The following MTARC2 variants were observed in gnomAD, a reference collection of about 807,000 sequenced individuals.
The protein encoded by MTARC2 is MOCO sulphurase C-terminal domain containing 2.
Under a neutral mutation model 35.6 loss-of-function variants are expected in MTARC2, and 27 were observed. That is an observed-to-expected ratio of 0.76 (90% confidence interval 0.56 to 1.04). The LOEUF (loss-of-function observed/expected upper bound fraction) is 1.04. MTARC2 is among the 50% of genes least tolerant of loss of function. The pLI, the probability that MTARC2 is intolerant of heterozygous loss-of-function variation, is 0.00. For missense variants in MTARC2, 412 were observed against 432.5 expected, an observed-to-expected ratio of 0.95 and a Z score of 0.42; for synonymous variants, 158 against 167.1, an observed-to-expected ratio of 0.95 and a Z score of 0.42.
intron 6 of MTARC2, 57 bp downstream of exon 6, chr1:220,780,296 T>C: frequency 6.7e-7 from 1 of 1,485,878 alleles, no homozygotes; most frequent in Non-Finnish European, 9.2e-7. Flanking sequence ...CAGAACTACC[T>C]ATGGGTTTAG....
At chr1:220,761,419 C>A (rs1376716791) in intron 2 of MTARC2, among the ~76,000 whole-genome samples, 2 of 152,232 alleles carry the variant, frequency 1.3e-5, no homozygotes, top group African/African-American at 4.8e-5. Flanking sequence ...CCTACTGAAC[C>A]AGAATCTGCA....
chr1:220,772,277 C>G (rs1671765066), intron 4 of MTARC2, among the ~76,000 whole-genome samples: 1 of 152,324 alleles, frequency 6.6e-6, no homozygotes, highest in South Asian at 2.1e-4. Flanking sequence ...TTTAAAGGCT[C>G]TCTGTATATA....
chr1:220,761,693 G>C lies in MTARC2; in HGVS notation c.482G>C (p.Gly161Ala). The C allele has an allele frequency of 6.2e-7, 1 of 1,613,982 alleles. No homozygotes were observed. Among genetic ancestry groups the C allele is most frequent in the Non-Finnish European group, 8.5e-7 (1 of 1,179,968 alleles). The change falls in exon 3 of 8, where the codon GGC (glycine) becomes GCC (alanine). Residue 161 changes from glycine to alanine, a missense_variant. Coordinates refer to ENST00000366913, the MANE Select transcript of MTARC2 (RefSeq NM_017898.5). ...CTTGACATTAAAGGCAGAGACTGTG[G>C]CAATGAGGCAGCTAAGTGGTTCACC... is the stretch of plus-strand genomic sequence containing the variant. ...FGLDIKGRDC[G>A]NEAAKWFTNF...
At chr1:220,759,540 G>A (rs1671382367) in intron 2 of MTARC2, among the ~76,000 whole-genome samples, 1 of 152,122 alleles carries the variant, frequency 6.6e-6, no homozygotes, top group African/African-American at 2.4e-5. Context: ...CCTGTTGGGG[G>A]CTTTTCTGCT....
At chr1:220,752,947 G>A (rs1671165157) in intron 1 of MTARC2, among the ~76,000 whole-genome samples, 1 of 151,632 alleles carries the variant, frequency 6.6e-6, no homozygotes, top group South Asian at 2.1e-4. Flanking sequence ...GGGCACGGTG[G>A]CTCACGCCTG....
intron 7 of MTARC2, among the ~76,000 whole-genome samples, chr1:220,782,960 T>C (rs778232883): frequency 6.6e-6 from 1 of 152,262 alleles, no homozygotes; most frequent in Non-Finnish European, 1.5e-5. Context: ...ATATCAGTTA[T>C]GTTTTTTATT....
intron 7 of MTARC2, 149 bp from the exon 8 acceptor site, chr1:220,783,770 T>C (rs1236564284): frequency 4.9e-6 from 3 of 615,426 alleles, no homozygotes; most frequent in Non-Finnish European, 9.0e-6. Context: ...TGATGTGAGT[T>C]AGAGCTAATG....
At position 220,761,710 on chromosome 1, in the gene MTARC2, T is replaced by C. The variant is rs373235194; in HGVS notation, c.499T>C (p.Trp167Arg). The change falls in exon 3 of 8, where the codon TGG (tryptophan) becomes CGG (arginine). Residue 167 changes from tryptophan (W) to arginine (R), a missense_variant. Coordinates refer to ENST00000366913, the MANE Select transcript of MTARC2 (RefSeq NM_017898.5). ...AGACTGTGGCAATGAGGCAGCTAAG[T>C]GGTTCACCAACTTCTTGAAAACTGA... ...GRDCGNEAAK[W>R]FTNFLKTEAY... is the part of the protein sequence containing the mutation. 1.2e-6 allele frequency: 2 copies of C among 1,614,140 alleles called. No individual in the cohort carries two copies. Among genetic ancestry groups the C allele is most frequent in the African/African-American group, 2.7e-5 (2 of 75,036 alleles).
At chr1:220,782,159 G>A (rs1672091530) in intron 7 of MTARC2, among the ~76,000 whole-genome samples, 1 of 152,150 alleles carries the variant, frequency 6.6e-6, no homozygotes, top group African/African-American at 2.4e-5. Flanking sequence ...GTAAAATGCT[G>A]ATGGAAGAGG....
chr1:220,770,031 C>T (rs1468207502), intron 4 of MTARC2, among the ~76,000 whole-genome samples: 1 of 151,138 alleles, frequency 6.6e-6, no homozygotes, highest in Non-Finnish European at 1.5e-5. Flanking sequence ...GGCGTGAACC[C>T]GGGAGGCGGA....
intron 4 of MTARC2, among the ~76,000 whole-genome samples, chr1:220,773,827 A>C (rs1671812968): frequency 6.6e-6 from 1 of 152,158 alleles, no homozygotes; most frequent in Admixed American, 6.5e-5. Context: ...CAAAAGAAAA[A>C]AATTAAGATT....
chr1:220,750,108 T>G (rs1473665633), intron 1 of MTARC2, among the ~76,000 whole-genome samples: 2 of 152,110 alleles, frequency 1.3e-5, no homozygotes, highest in Non-Finnish European at 2.9e-5. Context: ...GGCCAACTCG[T>G]GTAGAATGTT....
intron 1 of MTARC2, 70 bp downstream of exon 1, chr1:220,748,873 C>T: frequency 6.8e-7 from 1 of 1,463,642 alleles, no homozygotes; most frequent in East Asian, 2.8e-5. Context: ...GCAGGTGGGG[C>T]CCGATCTATC....
chr1:220,749,935 C>G (rs1012969383), intron 1 of MTARC2, among the ~76,000 whole-genome samples: 1 of 152,154 alleles, frequency 6.6e-6, no homozygotes. Context: ...TGGAAAACTT[C>G]AGAGAGTCTT....
At chr1:220,763,075 A>G (rs753886516) in intron 4 of MTARC2, 25 bp downstream of exon 4, 1 of 1,614,148 alleles carries the variant, frequency 6.2e-7, no homozygotes, top group Non-Finnish European at 8.5e-7. Context: ...GCTTTTGTGC[A>G]TCATGCTCAG....
At chr1:220,758,048 G>A (rs1285811542) in intron 2 of MTARC2, among the ~76,000 whole-genome samples, 15 of 152,194 alleles carry the variant, frequency 9.9e-5, no homozygotes, top group South Asian at 6.2e-4. Flanking sequence ...GCAGTGGCGC[G>A]ATCTCAACTC....
chr1:220,751,027 A>G (rs1185392085), intron 1 of MTARC2, among the ~76,000 whole-genome samples: 2 of 152,202 alleles, frequency 1.3e-5, no homozygotes, highest in Non-Finnish European at 2.9e-5. Flanking sequence ...CATAATTAAC[A>G]ATTTGAAAGC....
At chr1:220,774,901 G>C (rs116766959) in intron 4 of MTARC2, among the ~76,000 whole-genome samples, 3,584 of 152,156 alleles carry the variant, frequency 0.024, 107 homozygotes, top group African/African-American at 0.064. Flanking sequence ...TACTTCCTCT[G>C]TCTGTGTGGA....
intron 4 of MTARC2, among the ~76,000 whole-genome samples, chr1:220,779,704 T>C (rs577253972): frequency 6.6e-6 from 1 of 152,324 alleles, no homozygotes; most frequent in Admixed American, 6.5e-5. Context: ...TCTTGCAAGT[T>C]ACACATTTCT....
Sources: gnomAD v4.1 joint callset for allele counts (sites outside exome capture counted in the v4.1 genomes callset) on GRCh38, gnomAD v4.1.1 for gene constraint, MANE v1.5 for transcripts, NCBI Gene and HGNC (gene_info 2026-07-23, HGNC 2026-07-21) for gene names.